Variants in ZFPM2 observed in about 807,000 individuals in gnomAD.
The protein encoded by ZFPM2 is zinc finger protein, FOG family member 2.
ZFPM2 carries 20 observed loss-of-function variants against 98.6 expected under a neutral mutation model. The observed-to-expected ratio is 0.20, with a 90% CI of 0.14 to 0.29. The LOEUF (loss-of-function observed/expected upper bound fraction) is 0.29. Among genes scored for constraint, ZFPM2 ranks in the 10% least tolerant of loss-of-function variants. ZFPM2 has a pLI of 1.00. For missense variants in ZFPM2, 1,310 were observed against 1,388.6 expected (o/e 0.94, Z 0.90); for synonymous variants, 518 against 502.7 (o/e 1.03, Z -0.41).
intron 3 of ZFPM2, among the ~76,000 whole-genome samples, chr8:105,457,051 T>C (rs1447958479): frequency 1.3e-5 from 2 of 152,236 alleles, no homozygotes; most frequent in Non-Finnish European, 2.9e-5. Flanking sequence ...TCATTTGTAA[T>C]GTGCTTGATA....
intron 4 of ZFPM2, among the ~76,000 whole-genome samples, chr8:105,591,243 T>C (rs2130764757): frequency 6.6e-6 from 1 of 151,852 alleles, no homozygotes; most frequent in African/African-American, 2.4e-5. Context: ...CTTCTTAGAA[T>C]TATTTGAAAA....
At chr8:105,762,001 C>T (rs1485380835) in intron 5 of ZFPM2, among the ~76,000 whole-genome samples, 3 of 151,700 alleles carry the variant, frequency 2.0e-5, no homozygotes, top group Admixed American at 2.0e-4. Context: ...TGCTCTTTCC[C>T]ATAAAACATA....
At chr8:105,319,997 A>AT (rs1563601664) in intron 1 of ZFPM2, among the ~76,000 whole-genome samples, 1 of 152,006 alleles carries the variant, frequency 6.6e-6, no homozygotes, top group South Asian at 2.1e-4. Flanking sequence ...TTATTAGTTT[A>AT]TTTTTTGCTA....
chr8:105,380,767 A>T lies in ZFPM2; in HGVS notation c.41-38377A>T, dbSNP rs555223285. On this transcript the variant is annotated intron_variant, in intron 1 of 7. Transcript: ENST00000407775. Reference sequence around the variant, plus strand: ...ATATATGTTATATATAACATATATAATATATACACATATATGTGTATATAT... The same window carrying T: ...ATATATGTTATATATAACATATATATTATATACACATATATGTGTATATAT... 8.6e-4 allele frequency among the ~76,000 whole-genome samples: 22 copies of T among 25,650 alleles called. 2 individuals are homozygous for T. The highest frequency in any genetic ancestry group is 2.9e-3 in the South Asian group (3 of 1,050). The allele number at this position is 25,650 out of a possible 152,430, so 16.8% of individuals were successfully genotyped here.
At chr8:105,761,092 A>G (rs1812725810) in intron 5 of ZFPM2, among the ~76,000 whole-genome samples, 1 of 151,990 alleles carries the variant, frequency 6.6e-6, no homozygotes, top group Non-Finnish European at 1.5e-5. Context: ...AAGCTGAGTC[A>G]TGTTATCTCA....
At chr8:105,522,551 C>G (rs1814086508) in intron 3 of ZFPM2, among the ~76,000 whole-genome samples, 1 of 152,094 alleles carries the variant, frequency 6.6e-6, no homozygotes, top group Non-Finnish European at 1.5e-5. Flanking sequence ...GTGGGCAGAT[C>G]ATGAGGTCAG....
intron 3 of ZFPM2, among the ~76,000 whole-genome samples, chr8:105,459,092 G>C (rs1432810021): frequency 2.0e-5 from 3 of 151,484 alleles, no homozygotes; most frequent in Non-Finnish European, 4.4e-5. Flanking sequence ...TTCTTTCTCT[G>C]AGACAGGATC....
intron 4 of ZFPM2, among the ~76,000 whole-genome samples, chr8:105,598,175 C>G (rs565603189): frequency 5.7e-4 from 84 of 147,112 alleles, no homozygotes; most frequent in Non-Finnish European, 9.5e-4. Context: ...CTAATTAATT[C>G]CCATGAGACC....
Position 105,798,966 on chromosome 8 carries a change from T to C in ZFPM2, c.964+18T>C. The C allele has an allele frequency of 6.2e-7, 1 of 1,601,288 alleles. No homozygotes were observed. On this transcript the variant is annotated intron_variant, in intron 7 of 7. Coordinates refer to ENST00000407775, the MANE Select transcript of ZFPM2 (RefSeq NM_012082.4). ...ACACAGTGGTAAATGCCCCTTTTGT[T>C]TCTTCTGTTGCTCCAGAAGACTCTG...
chr8:105,445,678 C>T (rs1428197696), intron 3 of ZFPM2, among the ~76,000 whole-genome samples: 3 of 151,662 alleles, frequency 2.0e-5, no homozygotes, highest in African/African-American at 7.3e-5. Flanking sequence ...GATCTTGGCT[C>T]ACTGCAGCCT....
chr8:105,599,477 T>C (rs932792223), intron 4 of ZFPM2, among the ~76,000 whole-genome samples: 3 of 151,652 alleles, frequency 2.0e-5, no homozygotes, highest in Non-Finnish European at 4.4e-5. Context: ...CAAGATATCA[T>C]TAGCTCGTTG....
intron 1 of ZFPM2, among the ~76,000 whole-genome samples, chr8:105,396,040 G>T (rs565115813): frequency 2.6e-5 from 4 of 152,206 alleles, no homozygotes; most frequent in East Asian, 1.9e-4. Context: ...TTCCATCATT[G>T]CTGTGTCTTT....
intron 3 of ZFPM2, among the ~76,000 whole-genome samples, chr8:105,504,947 A>G (rs1460902981): frequency 6.6e-6 from 1 of 151,996 alleles, no homozygotes; most frequent in East Asian, 1.9e-4. Context: ...AGAAAAAAGT[A>G]TTAATAAGGA....
At chr8:105,511,049 G>A (rs1443192583) in intron 3 of ZFPM2, among the ~76,000 whole-genome samples, 1 of 152,150 alleles carries the variant, frequency 6.6e-6, no homozygotes, top group Non-Finnish European at 1.5e-5. Flanking sequence ...ATTCAGGCCT[G>A]CCCATAGCAC....
intron 5 of ZFPM2, among the ~76,000 whole-genome samples, chr8:105,641,800 G>A (rs1431746342): frequency 1.3e-5 from 2 of 152,022 alleles, no homozygotes; most frequent in Non-Finnish European, 2.9e-5. Context: ...TTTCCTTAAT[G>A]AAATGTTGGT....
At chr8:105,529,587 TTTTTTTTTTG>T (rs1814251161) in intron 3 of ZFPM2, among the ~76,000 whole-genome samples, 1 of 151,672 alleles carries the variant, frequency 6.6e-6, no homozygotes, top group Non-Finnish European at 1.5e-5. Context: ...GCATTTTTTT[TTTTTTTTTTG>T]GAATTTCTTA....
chr8:105,401,521 C>T (rs1811340248), intron 1 of ZFPM2, among the ~76,000 whole-genome samples: 1 of 152,082 alleles, frequency 6.6e-6, no homozygotes, highest in Non-Finnish European at 1.5e-5. Flanking sequence ...TGCTTTGAGG[C>T]ACTCTGAGAC....
chr8:105,669,718 C>A (rs571026043), intron 5 of ZFPM2, among the ~76,000 whole-genome samples: 47 of 152,096 alleles, frequency 3.1e-4, no homozygotes, highest in African/African-American at 1.1e-3. Flanking sequence ...AAATATTATT[C>A]TTCTCTCTAT....
chr8:105,357,690 T>G (rs1335505567), intron 1 of ZFPM2, among the ~76,000 whole-genome samples: 2 of 152,192 alleles, frequency 1.3e-5, no homozygotes, highest in African/African-American at 2.4e-5. Context: ...CAATTACCAG[T>G]AACCTAAAGA....
Sources: allele counts gnomAD v4.1 joint callset (sites outside exome capture counted in the v4.1 genomes callset), GRCh38; gene constraint gnomAD v4.1.1; transcripts MANE v1.5; gene names NCBI Gene and HGNC (gene_info 2026-07-23, HGNC 2026-07-21).